Variants in NEBL observed in about 807,000 individuals in gnomAD.
The protein encoded by NEBL is nebulette.
In NEBL, 122 loss-of-function variants were observed where a neutral mutation model predicts 140.2. That is an observed-to-expected ratio of 0.87 (90% CI 0.75 to 1.01). The LOEUF (loss-of-function observed/expected upper bound fraction) is 1.01. Among genes scored for constraint, NEBL ranks in the 50% least tolerant of loss-of-function variants. The pLI, the probability that NEBL is intolerant of heterozygous loss-of-function variation, is 0.00. For missense variants in NEBL, 1,365 were observed against 1,231.3 expected, an observed-to-expected ratio of 1.11 and a Z score of -1.62; for synonymous variants, 436 against 398.9, an observed-to-expected ratio of 1.09 and a Z score of -1.11.
At chr10:21,120,490 T>C (rs1337805723) in intron 2 of NEBL, among the ~76,000 whole-genome samples, 2 of 144,294 alleles carry the variant, frequency 1.4e-5, no homozygotes, top group Admixed American at 1.4e-4. Flanking sequence ...AACTAAGTAG[T>C]CCAAGGGTTG....
chr10:21,082,256 T>C (rs1836400530), intron 2 of NEBL, among the ~76,000 whole-genome samples: 1 of 152,150 alleles, frequency 6.6e-6, no homozygotes, highest in Non-Finnish European at 1.5e-5. Context: ...CTAGATTGGA[T>C]CCTTTTGCAA....
At chr10:20,947,385 T>C (rs935586717) in intron 4 of NEBL, among the ~76,000 whole-genome samples, 1 of 152,154 alleles carries the variant, frequency 6.6e-6, no homozygotes, top group Non-Finnish European at 1.5e-5. Context: ...GGCTATTGTA[T>C]GAGGGCAGGC....
At position 20,868,377 on chromosome 10, in the gene NEBL, G is replaced by A; in HGVS notation, c.684+287C>T. ...ACAATTATTTAGTATGACTATTAATGACTTCTGGAAATCCAGGGAAATGTG... is the reference window on the plus strand; with the variant it reads ...ACAATTATTTAGTATGACTATTAATAACTTCTGGAAATCCAGGGAAATGTG... On this transcript the variant is annotated intron_variant, in intron 7 of 27. Transcript: ENST00000377122. 3 of 379,372 alleles carry A rather than the reference G, an allele frequency of 7.9e-6. No homozygotes were observed. The South Asian group carries it at 8.4e-5, about 11-fold the overall frequency. The allele number at this position is 379,372 out of a possible 1,614,324, so 23.5% of individuals were successfully genotyped here. A position where few individuals can be genotyped will look rare whatever the true frequency, so the allele number is the denominator to read the frequency against.
In NEBL at chr10:21,264,930, ATTTTAT is replaced by A. The variant is rs1394452473; in HGVS notation, n.183-13108_183-13103del. 2.3e-3 allele frequency among the ~76,000 whole-genome samples: 341 copies of A among 151,380 alleles called. 1 individual carries two copies. The highest frequency in any genetic ancestry group is 3.9e-3 in the Non-Finnish European group (266 of 67,870). On this transcript the variant is annotated intron_variant and non_coding_transcript_variant, in intron 1 of 8. Coordinates refer to the NEBL transcript ENST00000675702. ...GAGCTTGCTGAGCCTCTTTTATTTT[ATTTTAT>A]TTTTATTTTTATTTTTATTTTTGAG...
chr10:21,118,210 C>T (rs522736), intron 2 of NEBL, among the ~76,000 whole-genome samples: 32,162 of 152,082 alleles, frequency 0.21, 3,562 homozygotes, highest in East Asian at 0.32. Context: ...AACATCTCCT[C>T]CAGCTGACAA....
At chr10:21,080,454 T>C (rs1375513901) in intron 2 of NEBL, among the ~76,000 whole-genome samples, 1 of 152,218 alleles carries the variant, frequency 6.6e-6, no homozygotes, top group Non-Finnish European at 1.5e-5. Context: ...CTGGAGAAAA[T>C]TGAATCAAAG....
At chr10:20,840,420 G>A (rs948250485) in intron 13 of NEBL, among the ~76,000 whole-genome samples, 2 of 152,104 alleles carry the variant, frequency 1.3e-5, no homozygotes, top group Non-Finnish European at 2.9e-5. Flanking sequence ...TCTACCTGCA[G>A]TTACTGATGG....
chr10:21,268,197 G>A (rs746202174), intron 1 of NEBL, among the ~76,000 whole-genome samples: 6 of 152,182 alleles, frequency 3.9e-5, no homozygotes, highest in Non-Finnish European at 5.9e-5. Context: ...GAAGCTGGAC[G>A]TGGGATTATG....
intron 3 of NEBL, among the ~76,000 whole-genome samples, chr10:20,987,739 G>T (rs1837310725): frequency 6.6e-6 from 1 of 152,172 alleles, no homozygotes; most frequent in South Asian, 2.1e-4. Flanking sequence ...AGGAAGAACT[G>T]CAATGAACAA....
intron 4 of NEBL, among the ~76,000 whole-genome samples, chr10:20,943,183 C>A (rs1364306643): frequency 2.0e-5 from 3 of 152,140 alleles, no homozygotes; most frequent in Non-Finnish European, 2.9e-5. Context: ...AGACTTGGAA[C>A]CAAGCCAAAT....
At chr10:21,062,399 G>A (rs111772740) in intron 2 of NEBL, among the ~76,000 whole-genome samples, 7,537 of 152,062 alleles carry the variant, frequency 0.05, 621 homozygotes, top group African/African-American at 0.17. Flanking sequence ...AGTGGCTCTC[G>A]CCTGTAATCC....
intron 19 of NEBL, 104 bp from the exon 20 acceptor site, chr10:20,819,620 T>A (rs1040523898): frequency 7.4e-7 from 1 of 1,352,328 alleles, no homozygotes; most frequent in Non-Finnish European, 1.1e-6. Context: ...AGAACATTCA[T>A]TAATAAGATC....
chr10:20,963,006 ACACACAC>A (rs1564463996), intron 3 of NEBL, among the ~76,000 whole-genome samples: 3 of 14,078 alleles, frequency 2.1e-4, no homozygotes, highest in Non-Finnish European at 5.1e-4. Flanking sequence ...AAAGAAAAAC[ACACACAC>A]ACACACACAC....
chr10:21,199,925 G>A (rs1455683843), intron 3 of NEBL, among the ~76,000 whole-genome samples: 1 of 151,934 alleles, frequency 6.6e-6, no homozygotes, highest in African/African-American at 2.4e-5. Context: ...ACACAGAGCT[G>A]GGGAGAGACT....
At chr10:20,790,541 C>T (rs1170562771) in intron 26 of NEBL, among the ~76,000 whole-genome samples, 3 of 148,410 alleles carry the variant, frequency 2.0e-5, no homozygotes, top group African/African-American at 7.5e-5. Context: ...GAGGAGGTTG[C>T]AATGAACCGA....
At chr10:20,911,876 C>A (rs977031063) in intron 4 of NEBL, among the ~76,000 whole-genome samples, 13 of 152,180 alleles carry the variant, frequency 8.5e-5, no homozygotes, top group Admixed American at 6.6e-5. Context: ...TTTCAAGCAA[C>A]AACACCGTCA....
intron 3 of NEBL, among the ~76,000 whole-genome samples, chr10:21,201,498 T>G (rs1195093229): frequency 6.6e-6 from 1 of 152,184 alleles, no homozygotes; most frequent in Non-Finnish European, 1.5e-5. Context: ...GTCCTGAAGC[T>G]TATACAATTT....
At chr10:21,162,033 G>C (rs1840579055) in intron 2 of NEBL, among the ~76,000 whole-genome samples, 1 of 152,204 alleles carries the variant, frequency 6.6e-6, no homozygotes, top group South Asian at 2.1e-4. Flanking sequence ...AGGGAAGAGA[G>C]GGGGCTGGAG....
At chr10:21,182,280 T>A (rs964585635) in intron 3 of NEBL, among the ~76,000 whole-genome samples, 1 of 151,904 alleles carries the variant, frequency 6.6e-6, no homozygotes, top group African/African-American at 2.4e-5. Context: ...GAGACCAGCC[T>A]GGGCAACAAA....
Sources: allele counts gnomAD v4.1 joint callset (sites outside exome capture counted in the v4.1 genomes callset), GRCh38; gene constraint gnomAD v4.1.1; transcripts MANE v1.5; gene names NCBI Gene and HGNC (gene_info 2026-07-23, HGNC 2026-07-21).